SLC35E3: variants seen among roughly 807,000 people sequenced by gnomAD.
SLC35E3 encodes the protein solute carrier family 35 member E3, also known as bladder cancer-overexpressed gene 1 protein.
In SLC35E3, 28 loss-of-function variants were observed where a neutral mutation model predicts 30.8. That is an observed-to-expected ratio of 0.91 (90% CI 0.67 to 1.25). SLC35E3 has a LOEUF of 1.25. Ranked by LOEUF, SLC35E3 falls within the 50% of genes most tolerant of loss-of-function variation. SLC35E3 has a pLI of 0.00. For synonymous variants in SLC35E3, 146 were observed against 149.2 expected, an observed-to-expected ratio of 0.98 and a Z score of 0.16; for missense variants, 365 against 375.4, an observed-to-expected ratio of 0.97 and a Z score of 0.23.
At chr12:68,751,043 C>T (rs1446713088) in intron 2 of SLC35E3, among the ~76,000 whole-genome samples, 1 of 151,934 alleles carries the variant, frequency 6.6e-6, no homozygotes, top group African/African-American at 2.4e-5. Flanking sequence ...GATTTGAGGT[C>T]TTGAGATGTT....
Position 68,773,987 on chromosome 12 carries a change from T to C in SLC35E3, c.*9097T>C, listed in dbSNP as rs189973515. ...TTCACCAATGGCACATAATTCAAAG[T>C]CTGCTGAGGATTTCTAGGGTATCCT... On this transcript the variant is annotated 3_prime_UTR_variant, in exon 5 of 5. Transcript: ENST00000398004. 82 of 152,310 alleles carry C rather than the reference T, an allele frequency of 5.4e-4. No homozygotes were observed. The highest frequency in any genetic ancestry group is 1.8e-3 in the African/African-American group (75 of 41,572). The allele number at this position is 152,310 out of a possible 1,614,324, so 9.4% of individuals were successfully genotyped here. A position where few individuals can be genotyped will look rare whatever the true frequency, so the allele number is the denominator to read the frequency against.
rs1249043111 is a variant in SLC35E3, at chr12:68,768,720, C to T, written c.*3830C>T. 2 of 152,210 alleles carry T rather than the reference C, an allele frequency of 1.3e-5. No individual in the cohort carries two copies. Among genetic ancestry groups the T allele is most frequent in the African/African-American group, 2.4e-5 (1 of 41,458 alleles). The allele number at this position is 152,210 out of a possible 1,614,324, so 9.4% of individuals were successfully genotyped here. ...AGAGCTGATGGAAGAAGGATGGCAT[C>T]TGTGTAACATATGCATGGTAACGCT... On this transcript the variant is annotated 3_prime_UTR_variant, in exon 5 of 5. Transcript: ENST00000398004.
intron 4 of SLC35E3, among the ~76,000 whole-genome samples, chr12:68,763,201 C>T (rs980172575): frequency 5.3e-5 from 8 of 152,094 alleles, no homozygotes; most frequent in Admixed American, 2.0e-4. Context: ...TTACAATAAC[C>T]GTGGGAGGTA....
chr12:68,756,720 G>A (rs1012980795), intron 3 of SLC35E3, among the ~76,000 whole-genome samples: 3 of 152,128 alleles, frequency 2.0e-5, no homozygotes, highest in East Asian at 1.9e-4. Context: ...TCACATGATC[G>A]GCCAGGCGCA....
In SLC35E3 at chr12:68,748,044, G is replaced by A; in HGVS notation, c.513+4G>A. 3 of 1,561,286 alleles carry A rather than the reference G, an allele frequency of 1.9e-6. No individual in the cohort carries two copies. The highest frequency in any genetic ancestry group is 2.6e-6 in the Non-Finnish European group (3 of 1,140,410). On this transcript the variant is annotated splice_donor_region_variant and intron_variant, in intron 2 of 4. Coordinates refer to ENST00000398004, the MANE Select transcript of SLC35E3 (RefSeq NM_018656.5). Reference sequence around the variant, plus strand: ...AGTTACATCCCTTTATCAAGTGGTTGGTAATTTTTTTTTCTTTATGTGCCT... The same window carrying A: ...AGTTACATCCCTTTATCAAGTGGTTAGTAATTTTTTTTTCTTTATGTGCCT...
In SLC35E3 at chr12:68,746,718, T is replaced by G; in HGVS notation, c.341T>G (p.Ile114Ser). The change falls in exon 1 of 5, where the codon ATC becomes AGC. Residue 114 changes from isoleucine to serine, a missense_variant. Physicochemically the swap from Ile to Ser is moderately radical, Grantham distance 142. Transcript: ENST00000398004. ...QLAKAMTTPV[I>S]IAIQTFCYQK... ...GCCAAGGCCATGACCACGCCGGTGA[T>G]CATAGCCATCCAGACCTTCTGCTAC... The G allele has an allele frequency of 6.2e-7, 1 of 1,613,546 alleles. No individual in the cohort carries two copies. Among genetic ancestry groups the G allele is most frequent in the Non-Finnish European group, 8.5e-7 (1 of 1,179,552 alleles).
rs1332477785 is a variant in SLC35E3 at position 68,746,787 on chromosome 12, G to A, written c.402+8G>A. ...AGAATCCAGCTCACGCTGGTGAGTA[G>A]CTTCAGCTTCCCAAGGCGCCGCTCT... is the stretch of plus-strand genomic sequence containing the variant. On this transcript the variant is annotated splice_region_variant and intron_variant, in intron 1 of 4. Transcript: ENST00000398004. 7 of 1,553,866 alleles carry A rather than the reference G, an allele frequency of 4.5e-6. No individual in the cohort carries two copies. In the East Asian group the frequency reaches 1.6e-4, roughly 35 times the overall value.
chr12:68,758,694 C>G (rs1422300960), intron 3 of SLC35E3, among the ~76,000 whole-genome samples: 2 of 144,786 alleles, frequency 1.4e-5, no homozygotes, highest in Middle Eastern at 3.3e-3. Context: ...TTTTTACTTG[C>G]AATTCTTACT....
At chr12:68,759,461 C>A (rs975097337) in intron 4 of SLC35E3, among the ~76,000 whole-genome samples, 18 of 152,172 alleles carry the variant, frequency 1.2e-4, no homozygotes, top group Non-Finnish European at 2.2e-4. Context: ...CCCAACACTT[C>A]AGGAGGCCGA....
At position 68,773,094 on chromosome 12, in the gene SLC35E3, C is replaced by T. The variant is rs1025658742; in HGVS notation, c.*8204C>T. ...TGTTATCCGTGCTTGGGGCGGTGAC[C>T]CTTGACCCCATTCCTATTTAAACAT... On this transcript the variant is annotated 3_prime_UTR_variant, in exon 5 of 5. Coordinates refer to ENST00000398004, the MANE Select transcript of SLC35E3 (RefSeq NM_018656.5). The T allele has an allele frequency of 6.6e-6, 1 of 152,210 alleles. No individual in the cohort carries two copies. Among genetic ancestry groups the T allele is most frequent in the Non-Finnish European group, 1.5e-5 (1 of 68,056 alleles). 9.4% of individuals were successfully genotyped at this position (152,210 alleles called of 1,614,324 possible). A position where few individuals can be genotyped will look rare whatever the true frequency, so the allele number is the denominator to read the frequency against.
At chr12:68,754,642 A>G (rs1878935154) in intron 3 of SLC35E3, among the ~76,000 whole-genome samples, 1 of 152,160 alleles carries the variant, frequency 6.6e-6, no homozygotes, top group African/African-American at 2.4e-5. Flanking sequence ...CTTTACCACT[A>G]TGAACAATAT....
chr12:68,750,676 C>G (rs1330758774), intron 2 of SLC35E3, among the ~76,000 whole-genome samples: 5 of 152,196 alleles, frequency 3.3e-5, no homozygotes, highest in Non-Finnish European at 5.9e-5. Context: ...CCTGAAGAGG[C>G]TGCAAAAGGA....
chr12:68,756,487 A>G (rs1879010788), intron 3 of SLC35E3, among the ~76,000 whole-genome samples: 1 of 151,874 alleles, frequency 6.6e-6, no homozygotes, highest in African/African-American at 2.4e-5. Context: ...CTAATACCAA[A>G]ACCAGGAAAG....
rs1441072555 is a variant in SLC35E3 at position 68,768,437 on chromosome 12, GC to G, written c.*3548del. The G allele has an allele frequency of 6.6e-6, 1 of 152,072 alleles. No homozygotes were observed. Among genetic ancestry groups the G allele is most frequent in the Non-Finnish European group, 1.5e-5 (1 of 68,020 alleles). The allele number at this position is 152,072 out of a possible 1,614,324, so 9.4% of individuals were successfully genotyped here. On this transcript the variant is annotated 3_prime_UTR_variant, in exon 5 of 5. Coordinates refer to ENST00000398004, the MANE Select transcript of SLC35E3 (RefSeq NM_018656.5). ...TATATAAATGAATAAAATAAGTACT[GC>G]TAAAACTTGAGTCTGATAAACTTTT...
At chr12:68,756,734 G>A (rs998916734) in intron 3 of SLC35E3, among the ~76,000 whole-genome samples, 1 of 152,174 alleles carries the variant, frequency 6.6e-6, no homozygotes, top group Non-Finnish European at 1.5e-5. Context: ...AGGCGCAGTG[G>A]CTCACCCCTG....
intron 2 of SLC35E3, among the ~76,000 whole-genome samples, chr12:68,748,913 C>G (rs1041353407): frequency 2.6e-5 from 4 of 152,176 alleles, no homozygotes; most frequent in African/African-American, 9.7e-5. Context: ...GCATCTTAAA[C>G]ATTCTAGTAG....
chr12:68,760,355 A>G (rs1480634219), intron 4 of SLC35E3, among the ~76,000 whole-genome samples: 3 of 152,240 alleles, frequency 2.0e-5, no homozygotes, highest in Non-Finnish European at 2.9e-5. Flanking sequence ...CCAACTATCA[A>G]TAAAAAACAA....
chr12:68,758,895 C>T (rs1328707426), intron 3 of SLC35E3, among the ~76,000 whole-genome samples: 1 of 151,908 alleles, frequency 6.6e-6, no homozygotes, highest in African/African-American at 2.4e-5. Flanking sequence ...GCGCCCGCCA[C>T]TGCGCCCAGC....
intron 4 of SLC35E3, among the ~76,000 whole-genome samples, chr12:68,763,419 C>T (rs1324215280): frequency 1.3e-5 from 2 of 151,670 alleles, no homozygotes; most frequent in East Asian, 3.9e-4. Flanking sequence ...GATGGAGTTT[C>T]GCTCTTGTTG....
Sources: gnomAD v4.1 joint callset for allele counts (sites outside exome capture counted in the v4.1 genomes callset) on GRCh38, gnomAD v4.1.1 for gene constraint, MANE v1.5 for transcripts, NCBI Gene and HGNC (gene_info 2026-07-23, HGNC 2026-07-21) for gene names.